CREB3L2: variants seen among roughly 807,000 people sequenced by gnomAD.
The protein encoded by CREB3L2 is cyclic AMP-responsive element-binding protein 3-like protein 2.
CREB3L2 carries 23 observed loss-of-function variants against 57.2 expected under a neutral mutation model. The ratio of observed to expected loss-of-function variants is 0.40; its 90% CI spans 0.29 to 0.57. CREB3L2 has a LOEUF of 0.57. CREB3L2 is among the 20% of genes least tolerant of loss of function. CREB3L2 has a pLI of 0.42. For synonymous variants in CREB3L2, 268 were observed against 265.1 expected (o/e 1.01, Z -0.11); for missense variants, 628 against 634.7 (o/e 0.99, Z 0.11).
At chr7:137,900,632 T>TAA (rs77569914) in intron 8 of CREB3L2, among the ~76,000 whole-genome samples, 5 of 138,250 alleles carry the variant, frequency 3.6e-5, no homozygotes, top group African/African-American at 8.0e-5. Context: ...CCATCTCTAC[T>TAA]AAAAAAAAAA....
chr7:137,882,772 G>C lies in CREB3L2; in HGVS notation c.1271-144C>G, dbSNP rs1043815599. The C allele has an allele frequency of 1.8e-5, 10 of 540,692 alleles. No homozygotes were observed. The African/African-American group carries it at 1.9e-4, about 10-fold the overall frequency. 33.5% of individuals were successfully genotyped at this position (540,692 alleles called of 1,614,324 possible). On this transcript the variant is annotated intron_variant, in intron 10 of 11. Transcript: ENST00000330387. ...GAACCATGGGTGCCAACAGAATTTG[G>C]CTTTCTATAAAGACTTTAGAGCTTC...
intron 8 of CREB3L2, among the ~76,000 whole-genome samples, 182 bp downstream of exon 8, chr7:137,901,172 G>A (rs1270379927): frequency 6.6e-6 from 1 of 152,228 alleles, no homozygotes; most frequent in Non-Finnish European, 1.5e-5. Context: ...TAGCACGTGT[G>A]CATGCGTGTG....
chr7:137,952,407 G>A (rs1801119484), intron 1 of CREB3L2, among the ~76,000 whole-genome samples: 1 of 152,104 alleles, frequency 6.6e-6, no homozygotes, highest in Non-Finnish European at 1.5e-5. Context: ...TCCCCGCCCA[G>A]CCCTCAGGCT....
chr7:138,000,648 A>G (rs1802057942), intron 1 of CREB3L2, among the ~76,000 whole-genome samples: 1 of 152,088 alleles, frequency 6.6e-6, no homozygotes, highest in Non-Finnish European at 1.5e-5. Context: ...GGAAGCAGCC[A>G]AGCCTCCAGT....
intron 1 of CREB3L2, among the ~76,000 whole-genome samples, chr7:137,962,516 T>C (rs274009): frequency 0.76 from 114,748 of 151,822 alleles, 43,408 homozygotes; most frequent in East Asian, 0.84. Flanking sequence ...AGCTCCAGCA[T>C]ACACCCTGGG....
chr7:137,937,559 A>G (rs1800811921), intron 1 of CREB3L2, among the ~76,000 whole-genome samples: 1 of 152,244 alleles, frequency 6.6e-6, no homozygotes, highest in South Asian at 2.1e-4. Context: ...GTCCCAAGAA[A>G]AAAAAATGGC....
rs183304474 is a variant in CREB3L2, at chr7:137,953,531, G to A, written c.103-25165C>T. 2.0e-5 allele frequency: 26 copies of A among 1,289,008 alleles called. No individual in the cohort carries two copies. The East Asian group carries it at 1.3e-3, about 63-fold the overall frequency. 79.8% of individuals were successfully genotyped at this position (1,289,008 alleles called of 1,614,324 possible). On this transcript the variant is annotated intron_variant, in intron 1 of 11. Transcript: ENST00000330387. ...ACTCTCCTGAAAGGGAAAGGTATGC[G>A]GGTTTGCAGAGGAGGGGAGAGTTGG... is the stretch of plus-strand genomic sequence containing the variant.
chr7:137,908,278 T>A lies in CREB3L2; in HGVS notation c.742A>T (p.Ser248Cys). The A allele has an allele frequency of 7.9e-7, 1 of 1,259,118 alleles. No homozygotes were observed. Among genetic ancestry groups the A allele is most frequent in the Non-Finnish European group, 1.0e-6 (1 of 993,164 alleles). The allele number at this position is 1,259,118 out of a possible 1,614,324, so 78.0% of individuals were successfully genotyped here. The change falls in exon 5 of 12, where the codon AGC (serine) becomes TGC (cysteine). Residue 248 changes from serine to cysteine, a missense_variant. By Grantham distance (112) the Ser-to-Cys change is moderately radical. This residue lies in a region of CREB3L2 where 339 missense variants were observed against 355.4 expected (regional missense o/e 0.95). Coordinates refer to ENST00000330387, the MANE Select transcript of CREB3L2 (RefSeq NM_194071.4). ...AAPRAPSALSSSPLLTAPHKL... is the reference protein window; with the variant it reads ...AAPRAPSALSCSPLLTAPHKL... ...TGAGGAGCCGTGAGGAGAGGGGAGC[T>A]GGAGAGGGCGGAGGGGGCCCGGGGT...
chr7:137,898,870 G>C (rs1799679287), intron 8 of CREB3L2, among the ~76,000 whole-genome samples: 1 of 144,672 alleles, frequency 6.9e-6, no homozygotes, highest in African/African-American at 2.5e-5. Flanking sequence ...TGAACACATG[G>C]ACCTTATTTG....
rs184264187 is a variant in CREB3L2, at chr7:137,954,307, T to A, written c.103-25941A>T. Reference sequence around the variant, plus strand: ...TTTCCTGAAAAAGAAAGACTAGTAATCCTAGGGACATAATCCACAGCTTAC... The same window carrying A: ...TTTCCTGAAAAAGAAAGACTAGTAAACCTAGGGACATAATCCACAGCTTAC... On this transcript the variant is annotated intron_variant, in intron 1 of 11. Transcript: ENST00000330387. Among the ~76,000 whole-genome samples, 6 of 152,146 alleles carry A rather than the reference T, an allele frequency of 3.9e-5. No individual in the cohort carries two copies. The East Asian group carries it at 1.2e-3, about 29-fold the overall frequency.
At chr7:137,929,262 C>A (rs1419313001) in intron 1 of CREB3L2, among the ~76,000 whole-genome samples, 1 of 152,118 alleles carries the variant, frequency 6.6e-6, no homozygotes, top group African/African-American at 2.4e-5. Flanking sequence ...GAGCTGCAGC[C>A]CCATCCACTC....
intron 1 of CREB3L2, among the ~76,000 whole-genome samples, chr7:137,993,948 C>CTATA (rs1398466474): frequency 6.6e-6 from 1 of 152,178 alleles, no homozygotes; most frequent in Non-Finnish European, 1.5e-5. Flanking sequence ...CATGAATAAC[C>CTATA]TATACAATTT....
intron 1 of CREB3L2, among the ~76,000 whole-genome samples, chr7:137,975,715 A>G (rs571355255): frequency 6.6e-6 from 1 of 152,322 alleles, no homozygotes; most frequent in South Asian, 2.1e-4. Flanking sequence ...TTAGAGCCCG[A>G]AACTAAATTT....
chr7:137,900,533 A>G (rs181987163), intron 8 of CREB3L2, among the ~76,000 whole-genome samples: 33 of 152,246 alleles, frequency 2.2e-4, no homozygotes, highest in African/African-American at 7.9e-4. Flanking sequence ...AGTGGCTCAG[A>G]CCTGTAATTC....
intron 7 of CREB3L2, among the ~76,000 whole-genome samples, chr7:137,902,587 T>A (rs561407289): frequency 6.6e-6 from 1 of 152,292 alleles, no homozygotes; most frequent in East Asian, 1.9e-4. Flanking sequence ...CAGGGGGGAT[T>A]AGTTCCAGAA....
chr7:137,904,328 C>T lies in CREB3L2; in HGVS notation c.916-311G>A, dbSNP rs111994773. On this transcript the variant is annotated intron_variant, in intron 6 of 11. Transcript: ENST00000330387. ...GGCGGATCACTTGAGGTCAGGAGTT[C>T]GAGACCAGCCTGGCCAACATGGTGA... 5.0e-3 allele frequency among the ~76,000 whole-genome samples: 760 copies of T among 152,150 alleles called. 2 individuals are homozygous for T. The highest frequency in any genetic ancestry group is 0.015 in the African/African-American group (623 of 41,504).
chr7:137,980,258 C>T lies in CREB3L2; in HGVS notation c.102+21346G>A, dbSNP rs1364298297. Among the ~76,000 whole-genome samples, 1 of 152,218 alleles carries T rather than the reference C, an allele frequency of 6.6e-6. No individual in the cohort carries two copies. The highest frequency in any genetic ancestry group is 2.4e-5 in the African/African-American group (1 of 41,446). On this transcript the variant is annotated intron_variant, in intron 1 of 11. Coordinates refer to ENST00000330387, the MANE Select transcript of CREB3L2 (RefSeq NM_194071.4). This position sits in a 1 kb window ranked among gnomAD's most constrained non-coding sequence, Gnocchi z 4.3. ...TTTAAAATGCCTGATGCCCAGGCCT[C>T]ATCCCAGAACCAATTAAATCAGAAT...
intron 1 of CREB3L2, chr7:137,955,460 C>T (rs540834584): frequency 2.2e-4 from 93 of 414,672 alleles, no homozygotes; most frequent in African/African-American, 1.6e-3. Flanking sequence ...TTCAGAAATA[C>T]TCATGGAGTC....
At chr7:137,918,276 C>T (rs1006589777) in intron 2 of CREB3L2, among the ~76,000 whole-genome samples, 3 of 152,226 alleles carry the variant, frequency 2.0e-5, no homozygotes, top group East Asian at 1.9e-4. Context: ...CTGCAAACTC[C>T]GCCTCCCGGA....
Sources: gnomAD v4.1 joint callset for allele counts (sites outside exome capture counted in the v4.1 genomes callset) on GRCh38, gnomAD v4.1.1 for gene constraint, gnomAD v4.1.1 regional missense constraint, Gnocchi (gnomAD v3.1) non-coding constraint, MANE v1.5 for transcripts, NCBI Gene and HGNC (gene_info 2026-07-23, HGNC 2026-07-21) for gene names.